Variants in TENM2 observed in about 807,000 individuals in gnomAD.
TENM2 encodes teneurin-2.
A neutral mutation model predicts 245.2 loss-of-function variants in TENM2; 52 were observed. That is an observed-to-expected ratio of 0.21 (90% CI 0.17 to 0.27). The LOEUF is 0.27. Ranked by LOEUF, TENM2 falls within the 10% of genes least tolerant of loss-of-function variation. The probability of loss-of-function intolerance (pLI) is 1.00; values close to 1 mark genes in which losing one functional copy is unlikely to be tolerated. For synonymous variants in TENM2, 1,363 were observed against 1,438.9 expected, an observed-to-expected ratio of 0.95 and a Z score of 1.19; for missense variants, 3,046 against 3,666.8, an observed-to-expected ratio of 0.83 and a Z score of 4.37.
chr5:168,219,060 C>G, intron 23 of TENM2, 61 bp downstream of exon 25: 1 of 1,514,750 alleles, frequency 6.6e-7, no homozygotes. Context: ...GGCATTAGGA[C>G]TGGGTCGCTT....
At chr5:167,544,047 C>T (rs1272067514) in intron 2 of TENM2, among the ~76,000 whole-genome samples, 3 of 152,132 alleles carry the variant, frequency 2.0e-5, no homozygotes, top group African/African-American at 7.2e-5. Flanking sequence ...TTGGGAGACA[C>T]AATTTGATCC....
intron 9 of TENM2, among the ~76,000 whole-genome samples, chr5:168,107,987 C>T (rs1405327905): frequency 6.6e-6 from 1 of 152,332 alleles, no homozygotes; most frequent in East Asian, 1.9e-4. Context: ...CCCTTTGTAC[C>T]TCCCTGTATT....
chr5:168,221,130 G>T (rs908187741), intron 23 of TENM2, among the ~76,000 whole-genome samples: 2 of 151,304 alleles, frequency 1.3e-5, no homozygotes, highest in African/African-American at 4.9e-5. Context: ...AAAAGAAAAA[G>T]AAAGAAAGAA....
At chr5:167,854,470 T>C (rs1770887152) in intron 2 of TENM2, among the ~76,000 whole-genome samples, 1 of 152,216 alleles carries the variant, frequency 6.6e-6, no homozygotes. Context: ...TCTGCTTAGA[T>C]TTTTATTAAA....
chr5:167,191,467 T>A, the TENM2 span, among the ~76,000 whole-genome samples: 1 of 152,018 alleles, frequency 6.6e-6, no homozygotes, highest in African/African-American at 2.4e-5. Flanking sequence ...GCCGCTAAGA[T>A]CTCTAACCCC....
At chr5:167,226,955 T>A in the TENM2 span, among the ~76,000 whole-genome samples, 2 of 151,906 alleles carry the variant, frequency 1.3e-5, no homozygotes, top group Non-Finnish European at 2.9e-5. Flanking sequence ...TATATATATG[T>A]GTGTATATAT....
chr5:167,336,840 G>A (rs543255368), intron 1 of TENM2, among the ~76,000 whole-genome samples: 4 of 151,534 alleles, frequency 2.6e-5, no homozygotes, highest in East Asian at 3.9e-4. Flanking sequence ...AAAATCGGCC[G>A]GGTGCGGTGG....
intron 2 of TENM2, among the ~76,000 whole-genome samples, chr5:167,796,107 A>G (rs996360105): frequency 6.6e-6 from 1 of 152,226 alleles, no homozygotes; most frequent in East Asian, 1.9e-4. Context: ...AAGGGCACTT[A>G]CAAAGGGGTT....
chr5:167,216,748 A>C, the TENM2 span, among the ~76,000 whole-genome samples: 1,980 of 152,260 alleles, frequency 0.013, 24 homozygotes, highest in Middle Eastern at 0.031. Context: ...CAACATGGTG[A>C]AACCCCTGTC....
chr5:167,704,253 T>A (rs1286160442), intron 2 of TENM2, among the ~76,000 whole-genome samples: 1 of 152,184 alleles, frequency 6.6e-6, no homozygotes, highest in Non-Finnish European at 1.5e-5. Context: ...TTTCACACTC[T>A]GGGTCCCTGT....
At chr5:167,506,161 C>A (rs1432663220) in intron 2 of TENM2, among the ~76,000 whole-genome samples, 1 of 152,160 alleles carries the variant, frequency 6.6e-6, no homozygotes, top group Non-Finnish European at 1.5e-5. Flanking sequence ...AAAATGCTAA[C>A]TTTTTATATA....
chr5:167,329,120 C>A (rs1757273905), intron 1 of TENM2, among the ~76,000 whole-genome samples: 2 of 152,118 alleles, frequency 1.3e-5, no homozygotes, highest in Non-Finnish European at 1.5e-5. Context: ...TGGCTTCATG[C>A]AACAACAACC....
At chr5:167,327,823 A>G (rs959408623) in intron 1 of TENM2, among the ~76,000 whole-genome samples, 15 of 152,348 alleles carry the variant, frequency 9.8e-5, no homozygotes, top group South Asian at 6.2e-4. Context: ...ATGAGAAGTT[A>G]TAAGTCAGTA....
chr5:167,967,578 C>T (rs1259233382), intron 4 of TENM2, among the ~76,000 whole-genome samples: 1 of 152,092 alleles, frequency 6.6e-6, no homozygotes, highest in Admixed American at 6.5e-5. Flanking sequence ...AATTGAACTT[C>T]TTATTGCAGG....
At chr5:167,654,770 A>G (rs1754730097) in intron 2 of TENM2, among the ~76,000 whole-genome samples, 1 of 152,116 alleles carries the variant, frequency 6.6e-6, no homozygotes, top group Non-Finnish European at 1.5e-5. Flanking sequence ...GGGGTAGTGA[A>G]TTTCATTTTC....
intron 5 of TENM2, among the ~76,000 whole-genome samples, chr5:167,996,922 A>G (rs1300134785): frequency 2.6e-5 from 4 of 152,060 alleles, no homozygotes; most frequent in African/African-American, 4.8e-5. Flanking sequence ...TGTTTTTAGT[A>G]GAGACAGGGT....
At chr5:167,663,651 T>G (rs1376398167) in intron 2 of TENM2, among the ~76,000 whole-genome samples, 2 of 152,166 alleles carry the variant, frequency 1.3e-5, no homozygotes, top group East Asian at 3.9e-4. Flanking sequence ...TCTAGAATGT[T>G]AATTGGATTT....
intron 2 of TENM2, among the ~76,000 whole-genome samples, chr5:167,497,621 G>A (rs866617195): frequency 4.6e-5 from 7 of 151,882 alleles, no homozygotes; most frequent in Middle Eastern, 3.2e-3. Context: ...AAGACCCCCC[G>A]CAGTTTCAAT....
At chr5:167,337,123 CAAAAAAAAAA>C (rs71591174) in intron 1 of TENM2, among the ~76,000 whole-genome samples, 3 of 56,670 alleles carry the variant, frequency 5.3e-5, no homozygotes, top group African/African-American at 2.7e-4. Context: ...GACTCCGTCT[CAAAAAAAAAA>C]AAAAAAAAAA....
Sources: allele counts gnomAD v4.1 joint callset (sites outside exome capture counted in the v4.1 genomes callset), GRCh38; gene constraint gnomAD v4.1.1; transcripts MANE v1.5; gene names NCBI Gene and HGNC (gene_info 2026-07-23, HGNC 2026-07-21).